The following MAG variants were observed in gnomAD, a reference collection of about 807,000 sequenced individuals.
The protein encoded by MAG is myelin-associated glycoprotein.
A neutral mutation model predicts 60.7 loss-of-function variants in MAG; 30 were observed. The observed-to-expected ratio is 0.49, with a 90% CI of 0.37 to 0.67. The LOEUF (loss-of-function observed/expected upper bound fraction) is 0.67. Ranked by LOEUF, MAG falls within the 30% of genes least tolerant of loss-of-function variation. MAG has a pLI of 0.00. For synonymous variants in MAG, 384 were observed against 376.8 expected (o/e 1.02, Z -0.22); for missense variants, 795 against 851.7 (o/e 0.93, Z 0.83).
rs564117314 is a variant in MAG, at chr19:35,303,968, G to C, written c.1231+1260G>C. ...CTCCTCCCCAAATTTCACCTCTCTGGTCTTCACGATGCCCACAATGGCCCC... is the reference window on the plus strand; with the variant it reads ...CTCCTCCCCAAATTTCACCTCTCTGCTCTTCACGATGCCCACAATGGCCCC... On this transcript the variant is annotated intron_variant, in intron 7 of 10. Transcript: ENST00000392213. Among the ~76,000 whole-genome samples the C allele has an allele frequency of 9.2e-5, 14 of 152,110 alleles. No homozygotes were observed. The East Asian group carries it at 2.7e-3, about 29-fold the overall frequency.
chr19:35,303,133 T>A (rs935317800), intron 7 of MAG, among the ~76,000 whole-genome samples: 1 of 152,116 alleles, frequency 6.6e-6, no homozygotes, highest in Non-Finnish European at 1.5e-5. Context: ...CATGTTGGCC[T>A]GGCTTGTCTC....
At chr19:35,308,339 C>T (rs187999856) in intron 7 of MAG, among the ~76,000 whole-genome samples, 201 of 152,338 alleles carry the variant, frequency 1.3e-3, no homozygotes, top group African/African-American at 4.5e-3. Flanking sequence ...TTTTCAGACA[C>T]AGCAAGGAAC....
At chr19:35,312,515 G>A in intron 10 of MAG, 3 of 472,582 alleles carry the variant, frequency 6.3e-6, no homozygotes, top group Non-Finnish European at 1.2e-5. Context: ...CGTCCTGTGT[G>A]TCCAAATTCC....
At chr19:35,312,040 G>T (rs766082923) in intron 10 of MAG, 23 bp downstream of exon 10, 2 of 1,601,650 alleles carry the variant, frequency 1.2e-6, no homozygotes, top group Admixed American at 1.7e-5. Flanking sequence ...CTCCAGGCTG[G>T]CCTGGGAACC....
intron 4 of MAG, among the ~76,000 whole-genome samples, chr19:35,299,264 C>T (rs1007802042): frequency 6.6e-6 from 1 of 152,182 alleles, no homozygotes; most frequent in African/African-American, 2.4e-5. Flanking sequence ...AGTCCTCACC[C>T]TCTCGCTTTG....
rs1456669990 is a variant in MAG at position 35,312,066 on chromosome 19, C to T, written c.1716+49C>T. On this transcript the variant is annotated intron_variant, in intron 10 of 10. Transcript: ENST00000392213. ...CCTGGGAACCTGGATGCCAGGGACA[C>T]TGAAGGCCTGGGAAAGGCCTGTGAG... is the stretch of plus-strand genomic sequence containing the variant. The T allele has an allele frequency of 2.6e-6, 4 of 1,556,120 alleles. No individual in the cohort carries two copies. The South Asian group carries it at 4.5e-5, about 17-fold the overall frequency.
chr19:35,292,232 C>A (rs1309040235), intron 1 of MAG, 28 bp downstream of exon 1: 4 of 456,014 alleles, frequency 8.8e-6, no homozygotes, highest in South Asian at 6.2e-5. Flanking sequence ...GAGGCCAGGG[C>A]AAGGGGAGCA....
chr19:35,303,218 G>A (rs1450756820), intron 7 of MAG, among the ~76,000 whole-genome samples: 10 of 152,114 alleles, frequency 6.6e-5, no homozygotes, highest in South Asian at 2.1e-4. Context: ...GCCACCACGC[G>A]CAGCCTGGGG....
At chr19:35,305,955 C>CG (rs745533416) in intron 7 of MAG, among the ~76,000 whole-genome samples, 2 of 142,930 alleles carry the variant, frequency 1.4e-5, no homozygotes, top group Admixed American at 7.0e-5. Context: ...ACTGTCCCAG[C>CG]CCCCCACTCC....
chr19:35,305,409 G>C (rs542613390), intron 7 of MAG, among the ~76,000 whole-genome samples: 2 of 152,348 alleles, frequency 1.3e-5, no homozygotes, highest in South Asian at 4.1e-4. Flanking sequence ...ACTAGCTTGA[G>C]TACGTTGTAC....
chr19:35,311,966 C>T lies in MAG; in HGVS notation c.1665C>T (p.Pro555=), dbSNP rs150375492. ...SPSFSAGDNP[P]VLFSSDFRIS... is the part of the protein sequence containing the mutation. ...GCTTCTCGGCAGGGGACAACCCTCC[C>T]GTCCTGTTCAGCAGCGACTTCCGCA... The change falls in exon 10 of 11, where the codon CCC becomes CCT. Residue 555 remains proline, a synonymous_variant. Coordinates refer to ENST00000392213, the MANE Select transcript of MAG (RefSeq NM_002361.4). The T allele has an allele frequency of 6.8e-6, 11 of 1,613,362 alleles. No homozygotes were observed. Among genetic ancestry groups the T allele is most frequent in the East Asian group, 6.7e-5 (3 of 44,810 alleles).
intron 10 of MAG, 24 bp downstream of exon 10, chr19:35,312,041 C>T (rs1215070734): frequency 6.3e-7 from 1 of 1,594,588 alleles, no homozygotes; most frequent in South Asian, 1.1e-5. Context: ...TCCAGGCTGG[C>T]CTGGGAACCT....
chr19:35,298,407 A>G (rs2066419266), intron 4 of MAG, among the ~76,000 whole-genome samples: 1 of 150,086 alleles, frequency 6.7e-6, no homozygotes, highest in Non-Finnish European at 1.5e-5. Context: ...CACAAACCAG[A>G]CACCATGCAC....
intron 7 of MAG, among the ~76,000 whole-genome samples, chr19:35,303,582 T>C (rs1204802023): frequency 6.6e-6 from 1 of 152,122 alleles, no homozygotes; most frequent in African/African-American, 2.4e-5. Context: ...GCAGAATACA[T>C]TGATGGGGTA....
chr19:35,309,914 C>T lies in MAG; in HGVS notation c.1272C>T (p.Ala424=), dbSNP rs766240057. ...TCCTGGAGTCCCACTGCGCGGCAGC[C>T]CGAGACACGGTGCAGTGCCTGTGCG... ...VLLLESHCAA[A]RDTVQCLCVV... is the part of the protein sequence containing the mutation. The change falls in exon 8 of 11, where the codon GCC becomes GCT. Residue 424 remains alanine, a synonymous_variant. Transcript: ENST00000392213. 2 of 1,613,506 alleles carry T rather than the reference C, an allele frequency of 1.2e-6. No individual in the cohort carries two copies. The highest frequency in any genetic ancestry group is 3.3e-5 in the Admixed American group (2 of 60,004).
chr19:35,311,364 TGAG>T lies in MAG; in HGVS notation c.1617-549_1617-547del, dbSNP rs1015964707. Among the ~76,000 whole-genome samples the T allele has an allele frequency of 7.9e-5, 12 of 152,114 alleles. 1 individual carries two copies. Among genetic ancestry groups the T allele is most frequent in the Middle Eastern group, 6.8e-3 (2 of 294 alleles). On this transcript the variant is annotated intron_variant, in intron 9 of 10. Transcript: ENST00000392213. ...CTGTTGTCCCAGCTACTCGGGAGGC[TGAG>T]GAGGGAAGATCGCTTGAGCCTGGGA...
intron 4 of MAG, among the ~76,000 whole-genome samples, chr19:35,296,353 G>C (rs1023654787): frequency 2.0e-5 from 3 of 152,128 alleles, no homozygotes; most frequent in African/African-American, 7.2e-5. Context: ...CGTAAAATGG[G>C]GATAAGAACA....
chr19:35,306,270 G>A (rs1034572636), intron 7 of MAG, among the ~76,000 whole-genome samples: 1 of 148,554 alleles, frequency 6.7e-6, no homozygotes. Context: ...TACATACTCT[G>A]TGGATATTGG....
rs201057637 is a variant in MAG, at chr19:35,313,474, C to A, written c.*20C>A. On this transcript the variant is annotated 3_prime_UTR_variant, in exon 11 of 11. Transcript: ENST00000392213. ...AAGTGAAGGAGCTGGGGGCAGCCTG[C>A]GTGGCTGACCCCCCTCAGGACCCTC... 63 of 1,598,180 alleles carry A rather than the reference C, an allele frequency of 3.9e-5. No homozygotes were observed. Among genetic ancestry groups the A allele is most frequent in the Non-Finnish European group, 5.0e-5 (59 of 1,172,730 alleles).
Sources: allele counts gnomAD v4.1 joint callset (sites outside exome capture counted in the v4.1 genomes callset), GRCh38; gene constraint gnomAD v4.1.1; transcripts MANE v1.5; gene names NCBI Gene and HGNC (gene_info 2026-07-23, HGNC 2026-07-21).